SYT14: variants seen among roughly 807,000 people sequenced by gnomAD.
SYT14 encodes the protein synaptotagmin-14.
A neutral mutation model predicts 74.2 loss-of-function variants in SYT14; 32 were observed. The ratio of observed to expected loss-of-function variants is 0.43; its 90% CI spans 0.33 to 0.58. The LOEUF (loss-of-function observed/expected upper bound fraction) is 0.58, where lower values mean the gene tolerates loss of function less well. Ranked by LOEUF, SYT14 falls within the 20% of genes least tolerant of loss-of-function variation. SYT14 has a pLI of 0.05. For missense variants in SYT14, 791 were observed against 981.8 expected, an observed-to-expected ratio of 0.81 and a Z score of 2.60; for synonymous variants, 298 against 337.7, an observed-to-expected ratio of 0.88 and a Z score of 1.29.
intron 5 of SYT14, among the ~76,000 whole-genome samples, chr1:210,086,851 G>T (rs1054326386): frequency 6.6e-6 from 1 of 152,174 alleles, no homozygotes; most frequent in Non-Finnish European, 1.5e-5. Context: ...CAACACCACA[G>T]AATTTGTTTT....
chr1:209,978,603 C>CA (rs1025029987), intron 2 of SYT14, among the ~76,000 whole-genome samples: 3 of 152,176 alleles, frequency 2.0e-5, no homozygotes, highest in African/African-American at 7.2e-5. Context: ...TGTGAGGTGT[C>CA]AGTCTGCCCC....
chr1:210,064,613 G>C (rs1388922206), intron 5 of SYT14, among the ~76,000 whole-genome samples: 2 of 151,974 alleles, frequency 1.3e-5, no homozygotes, highest in Non-Finnish European at 2.9e-5. Context: ...TTTTGTGGCT[G>C]AATAATATTC....
intron 5 of SYT14, among the ~76,000 whole-genome samples, chr1:210,057,629 T>C (rs1212274307): frequency 6.6e-6 from 1 of 152,246 alleles, no homozygotes; most frequent in Admixed American, 6.5e-5. Flanking sequence ...ACTTGATTTT[T>C]CTAATTAAAA....
intron 5 of SYT14, among the ~76,000 whole-genome samples, chr1:210,072,626 G>A (rs766962455): frequency 2.0e-5 from 3 of 151,974 alleles, no homozygotes; most frequent in Non-Finnish European, 2.9e-5. Context: ...GTTTCATACT[G>A]ATACAAATAT....
chr1:210,004,832 T>C (rs1418562513), intron 2 of SYT14, among the ~76,000 whole-genome samples: 1 of 152,022 alleles, frequency 6.6e-6, no homozygotes, highest in East Asian at 1.9e-4. Flanking sequence ...ATTTCAAATA[T>C]ATTTGCTTTT....
intron 4 of SYT14, among the ~76,000 whole-genome samples, chr1:210,019,271 T>C (rs960546368): frequency 6.6e-6 from 1 of 152,012 alleles, no homozygotes; most frequent in Non-Finnish European, 1.5e-5. Flanking sequence ...AACCCTCTGC[T>C]GGTTTAAGAT....
At chr1:210,155,483 T>C (rs1447640370) in intron 7 of SYT14, among the ~76,000 whole-genome samples, 1 of 152,206 alleles carries the variant, frequency 6.6e-6, no homozygotes, top group African/African-American at 2.4e-5. Context: ...TATTTCCTTA[T>C]AAATATGCAG....
At chr1:210,016,586 C>A in exon 4 of SYT14, 1 of 1,231,716 alleles carries the variant, frequency 8.1e-7, no homozygotes, top group Non-Finnish European at 1.0e-6. Flanking sequence ...GGTAGGATAT[C>A]AAGAAATGAA....
At chr1:210,113,155 G>A (rs12409069) in intron 7 of SYT14, among the ~76,000 whole-genome samples, 4,954 of 151,352 alleles carry the variant, frequency 0.033, 602 homozygotes, top group Admixed American at 0.23. Context: ...AACTCTGACC[G>A]CACAGCCCTG....
chr1:210,039,130 T>C (rs1309452826), intron 5 of SYT14, among the ~76,000 whole-genome samples: 1 of 152,096 alleles, frequency 6.6e-6, no homozygotes, highest in African/African-American at 2.4e-5. Context: ...TTTGTCTGAC[T>C]GGATTAATTC....
intron 7 of SYT14, among the ~76,000 whole-genome samples, chr1:210,118,680 T>C (rs554643598): frequency 1.3e-5 from 2 of 152,158 alleles, no homozygotes; most frequent in South Asian, 2.1e-4. Flanking sequence ...TGTTTCATCA[T>C]GTTGGCCAGG....
intron 5 of SYT14, among the ~76,000 whole-genome samples, chr1:210,059,867 C>G (rs989034424): frequency 6.6e-5 from 10 of 152,066 alleles, no homozygotes; most frequent in Non-Finnish European, 1.5e-4. Context: ...GATGCTTTCT[C>G]TGAAGGCATC....
chr1:210,120,365 G>GTTTTTTTTTTTTTT (rs371047537), intron 7 of SYT14, among the ~76,000 whole-genome samples: 2 of 131,708 alleles, frequency 1.5e-5, no homozygotes, highest in African/African-American at 3.1e-5. Context: ...TGTTTTTGCT[G>GTTTTTTTTTTTTTT]TTTTTTTTTT....
intron 7 of SYT14, among the ~76,000 whole-genome samples, chr1:210,110,784 G>T (rs1453507810): frequency 1.3e-5 from 2 of 152,132 alleles, no homozygotes; most frequent in African/African-American, 4.8e-5. Context: ...CGTTCTTGTT[G>T]CCCAGACTGG....
intron 5 of SYT14, among the ~76,000 whole-genome samples, chr1:210,028,041 A>T (rs1572180329): frequency 6.6e-6 from 1 of 152,042 alleles, no homozygotes; most frequent in African/African-American, 2.4e-5. Flanking sequence ...GAAACTTTAT[A>T]CCCATTAAAA....
chr1:209,993,274 T>C (rs1048382135), intron 2 of SYT14, among the ~76,000 whole-genome samples: 3 of 152,218 alleles, frequency 2.0e-5, no homozygotes, highest in African/African-American at 7.2e-5. Flanking sequence ...AGCTCGCCTG[T>C]CGACTGCCCC....
intron 2 of SYT14, among the ~76,000 whole-genome samples, chr1:209,997,155 A>G (rs1214354722): frequency 9.8e-6 from 1 of 102,382 alleles, no homozygotes; most frequent in African/African-American, 5.3e-5. Context: ...CCAGATAGGG[A>G]AAAAAAGAAA....
intron 7 of SYT14, among the ~76,000 whole-genome samples, chr1:210,145,968 A>G (rs1438398002): frequency 6.6e-6 from 1 of 152,170 alleles, no homozygotes; most frequent in Non-Finnish European, 1.5e-5. Context: ...CTGAACAGAC[A>G]TTGAATATAC....
chr1:210,003,196 G>T (rs1195312294), intron 2 of SYT14, among the ~76,000 whole-genome samples: 1 of 152,122 alleles, frequency 6.6e-6, no homozygotes, highest in Admixed American at 6.6e-5. Context: ...CCACTGCTCT[G>T]CAGCCAACTT....
Sources: gnomAD v4.1 joint callset for allele counts (sites outside exome capture counted in the v4.1 genomes callset) on GRCh38, gnomAD v4.1.1 for gene constraint, MANE v1.5 for transcripts, NCBI Gene and HGNC (gene_info 2026-07-23, HGNC 2026-07-21) for gene names.